The following POM121C variants were observed in gnomAD, a reference collection of about 807,000 sequenced individuals.
POM121C encodes POM121 transmembrane nucleoporin C.
A neutral mutation model predicts 66.4 loss-of-function variants in POM121C; 20 were observed. The ratio of observed to expected loss-of-function variants is 0.30; its 90% CI spans 0.21 to 0.44. The LOEUF is 0.44. Ranked by LOEUF, POM121C falls within the 20% of genes least tolerant of loss-of-function variation. The pLI is 1.00. For missense variants in POM121C, 580 were observed against 1,225.7 expected, an observed-to-expected ratio of 0.47 and a Z score of 7.87; for synonymous variants, 286 against 528.0, an observed-to-expected ratio of 0.54 and a Z score of 6.28.
intron 3 of POM121C, among the ~76,000 whole-genome samples, chr7:75,464,495 A>G (rs1791551768): frequency 6.7e-6 from 1 of 150,102 alleles, no homozygotes; most frequent in Admixed American, 6.6e-5. Flanking sequence ...GCCACTTGGG[A>G]GGCTGAGGTG....
At chr7:75,448,903 G>A (rs1424825336) in intron 3 of POM121C, among the ~76,000 whole-genome samples, 1 of 150,706 alleles carries the variant, frequency 6.6e-6, no homozygotes, top group African/African-American at 2.4e-5. Context: ...AACTTAAAAA[G>A]GAAAGGTAGA....
intron 1 of POM121C, among the ~76,000 whole-genome samples, chr7:75,480,945 T>A (rs1554480014): frequency 6.6e-6 from 1 of 151,292 alleles, no homozygotes; most frequent in Non-Finnish European, 1.5e-5. Flanking sequence ...TTTAATATAA[T>A]ATTCTTGATT....
At chr7:75,456,977 CCT>C (rs1791243192) in intron 3 of POM121C, among the ~76,000 whole-genome samples, 1 of 149,200 alleles carries the variant, frequency 6.7e-6, no homozygotes, top group Non-Finnish European at 1.5e-5. Context: ...TGAAACCCGA[CCT>C]CTACTGCTAA....
intron 1 of POM121C, among the ~76,000 whole-genome samples, chr7:75,484,489 C>A (rs1442586401): frequency 6.6e-6 from 1 of 151,966 alleles, no homozygotes; most frequent in Non-Finnish European, 1.5e-5. Context: ...CATGGCAAAA[C>A]CCCGTCTCTA....
intron 7 of POM121C, among the ~76,000 whole-genome samples, chr7:75,435,090 A>T (rs1790351644): frequency 6.6e-6 from 1 of 152,344 alleles, no homozygotes; most frequent in Non-Finnish European, 1.5e-5. Flanking sequence ...TTCCAGAGGC[A>T]AAACTGCCAA....
At chr7:75,454,954 C>T (rs1286580218) in intron 3 of POM121C, among the ~76,000 whole-genome samples, 2 of 152,240 alleles carry the variant, frequency 1.3e-5, no homozygotes, top group African/African-American at 4.8e-5. Context: ...ATTGAATGGT[C>T]TCGAGCTGCT....
At chr7:75,467,183 C>T (rs782196052) in intron 3 of POM121C, among the ~76,000 whole-genome samples, 17 of 152,190 alleles carry the variant, frequency 1.1e-4, no homozygotes, top group South Asian at 2.1e-4. Flanking sequence ...ACCACCTTCA[C>T]TCATATGACG....
intron 1 of POM121C, among the ~76,000 whole-genome samples, chr7:75,476,044 A>C (rs2923694): frequency 6.6e-6 from 1 of 152,122 alleles, no homozygotes; most frequent in Non-Finnish European, 1.5e-5. Flanking sequence ...CTTTGGGAGG[A>C]CGAGATGGGA....
At chr7:75,474,622 C>T (rs1174624432) in intron 3 of POM121C, 82 bp downstream of exon 3, 10 of 537,386 alleles carry the variant, frequency 1.9e-5, no homozygotes, top group African/African-American at 3.9e-5. Context: ...CTGAGGGTAC[C>T]GAATACATAT....
intron 3 of POM121C, chr7:75,442,562 G>T: frequency 1.4e-6 from 2 of 1,474,970 alleles, no homozygotes; most frequent in Non-Finnish European, 1.8e-6. Context: ...GGCCAGCGCA[G>T]CCGCAGCAGG....
intron 3 of POM121C, among the ~76,000 whole-genome samples, chr7:75,462,822 T>C (rs1180525511): frequency 1.3e-5 from 2 of 151,964 alleles, no homozygotes; most frequent in African/African-American, 4.8e-5. Flanking sequence ...GCTGACAGCA[T>C]GGGAGAAGAA....
rs1251275824 is a variant in POM121C, at chr7:75,418,799, C to T, written c.2961G>A (p.Lys987=). The T allele has an allele frequency of 2.0e-5, 32 of 1,609,058 alleles. No individual in the cohort carries two copies. Among genetic ancestry groups the T allele is most frequent in the Non-Finnish European group, 2.7e-5 (32 of 1,178,808 alleles). The change falls in exon 15 of 15, where the codon AAG becomes AAA. Residue 987 remains lysine (K), a synonymous_variant. Coordinates refer to ENST00000615331, the MANE Select transcript of POM121C (RefSeq NM_001099415.3). ...GAACAGGGACAGGGGACAAAGGCTA[C>T]TTTTTGCGGGTGTGCTGCCTTCGGG... ...LQARRQHTRK[K]
At position 75,475,091 on chromosome 7, in the gene POM121C, A is replaced by G. The variant is rs1297038885; in HGVS notation, c.-360T>C. 66 of 1,501,424 alleles carry G rather than the reference A, an allele frequency of 4.4e-5. No homozygotes were observed. The highest frequency in any genetic ancestry group is 6.0e-5 in the Non-Finnish European group (65 of 1,080,780). The allele number at this position is 1,501,424 out of a possible 1,614,324, so 93.0% of individuals were successfully genotyped here. A position where few individuals can be genotyped will look rare whatever the true frequency, so the allele number is the denominator to read the frequency against. ...GGAAACTAGATGGCTGTAGTTCTCC[A>G]ACATCACATCCCCGTATGTTATCTT... On this transcript the variant is annotated 5_prime_UTR_variant, in exon 2 of 15. Transcript: ENST00000615331.
chr7:75,434,881 C>G (rs188505247), intron 7 of POM121C, among the ~76,000 whole-genome samples: 84 of 152,208 alleles, frequency 5.5e-4, no homozygotes, highest in African/African-American at 2.0e-3. Flanking sequence ...ATCCTAGATA[C>G]TATTTTTTAC....
chr7:75,427,767 A>T (rs1383107270), intron 7 of POM121C, among the ~76,000 whole-genome samples: 44 of 152,182 alleles, frequency 2.9e-4, no homozygotes, highest in African/African-American at 9.2e-4. Flanking sequence ...ATATAAGTAC[A>T]AACAGGAAGC....
At chr7:75,426,280 T>A (rs2116344369) in intron 8 of POM121C, 82 bp downstream of exon 8, 1 of 217,960 alleles carries the variant, frequency 4.6e-6, no homozygotes, top group East Asian at 1.4e-4. Flanking sequence ...GCACAAAGCC[T>A]AAGAGCCAGG....
chr7:75,426,797 C>CAAAAAAAAAAAA (rs543569250), intron 7 of POM121C, among the ~76,000 whole-genome samples: 1 of 61,106 alleles, frequency 1.6e-5, no homozygotes, highest in African/African-American at 5.8e-5. Flanking sequence ...GACCCTGTCT[C>CAAAAAAAAAAAA]AAAAAAAAAA....
intron 3 of POM121C, among the ~76,000 whole-genome samples, chr7:75,472,046 C>T (rs587711893): frequency 1.1e-4 from 16 of 151,904 alleles, no homozygotes; most frequent in South Asian, 4.2e-4. Context: ...CCACCACGCC[C>T]GGCTAATTTT....
intron 3 of POM121C, chr7:75,442,656 C>G: frequency 6.9e-7 from 1 of 1,459,706 alleles, no homozygotes; most frequent in Non-Finnish European, 9.0e-7. Flanking sequence ...CCCCGGCCGT[C>G]CCTGACACTC....
Sources: gnomAD v4.1 joint callset for allele counts (sites outside exome capture counted in the v4.1 genomes callset) on GRCh38, gnomAD v4.1.1 for gene constraint, MANE v1.5 for transcripts, NCBI Gene and HGNC (gene_info 2026-07-23, HGNC 2026-07-21) for gene names.